Variants in RPS6KB1 observed in about 807,000 individuals in gnomAD.
RPS6KB1 encodes the protein ribosomal protein S6 kinase beta-1.
Under a neutral mutation model 70.2 loss-of-function variants are expected in RPS6KB1, and 12 were observed. The ratio of observed to expected loss-of-function variants is 0.17; its 90% CI spans 0.11 to 0.28. The LOEUF (loss-of-function observed/expected upper bound fraction) is 0.28. RPS6KB1 is among the 10% of genes least tolerant of loss of function. RPS6KB1 has a pLI of 1.00. For synonymous variants in RPS6KB1, 175 were observed against 211.2 expected, an observed-to-expected ratio of 0.83 and a Z score of 1.49; for missense variants, 270 against 646.6, an observed-to-expected ratio of 0.42 and a Z score of 6.32.
chr17:59,905,951 C>T (rs2042241329), intron 1 of RPS6KB1, among the ~76,000 whole-genome samples: 1 of 152,100 alleles, frequency 6.6e-6, no homozygotes, highest in Admixed American at 6.6e-5. Context: ...ACACCACACT[C>T]AGCTCGAGTT....
At chr17:59,909,226 C>CTTTTTTTTTT (rs1165144356) in intron 1 of RPS6KB1, among the ~76,000 whole-genome samples, 1 of 78,068 alleles carries the variant, frequency 1.3e-5, no homozygotes, top group South Asian at 5.2e-4. Flanking sequence ...CCGCACGTGG[C>CTTTTTTTTTT]TTTTTTTTTT....
At chr17:59,924,121 C>CAGG (rs2043446390) in intron 4 of RPS6KB1, among the ~76,000 whole-genome samples, 2 of 151,996 alleles carry the variant, frequency 1.3e-5, no homozygotes, top group South Asian at 2.1e-4. Context: ...ATCATGAGCT[C>CAGG]AGTTCGAAAC....
chr17:59,941,181 T>TC (rs2044556545), intron 13 of RPS6KB1, among the ~76,000 whole-genome samples: 2 of 151,942 alleles, frequency 1.3e-5, no homozygotes, highest in African/African-American at 4.8e-5. Context: ...AAAGTATGAT[T>TC]CCCTTTTTTT....
intron 7 of RPS6KB1, among the ~76,000 whole-genome samples, chr17:59,933,777 C>T (rs1227791144): frequency 6.6e-6 from 1 of 152,202 alleles, no homozygotes; most frequent in Non-Finnish European, 1.5e-5. Context: ...CTGTCTCACA[C>T]CTTTGTTCAA....
At chr17:59,919,920 G>A (rs940143054) in intron 4 of RPS6KB1, among the ~76,000 whole-genome samples, 1 of 151,998 alleles carries the variant, frequency 6.6e-6, no homozygotes, top group East Asian at 1.9e-4. Flanking sequence ...ATTCCCCTTT[G>A]CAGGCACTTA....
At chr17:59,895,620 C>A (rs903294518) in intron 1 of RPS6KB1, among the ~76,000 whole-genome samples, 1 of 151,138 alleles carries the variant, frequency 6.6e-6, no homozygotes, top group African/African-American at 2.4e-5. Context: ...CCCCACCAGG[C>A]TTTTTACTTT....
At chr17:59,922,197 C>T (rs140260862) in intron 4 of RPS6KB1, among the ~76,000 whole-genome samples, 45 of 152,130 alleles carry the variant, frequency 3.0e-4, no homozygotes, top group Non-Finnish European at 4.7e-4. Flanking sequence ...CCTCCTACCA[C>T]GCCTGCCTAA....
At chr17:59,931,312 A>T (rs1458943703) in intron 6 of RPS6KB1, 1 of 249,598 alleles carries the variant, frequency 4.0e-6, no homozygotes, top group Non-Finnish European at 7.7e-6. Context: ...CTATTAGCTT[A>T]ATTCCTACAC....
chr17:59,920,971 T>TA (rs1272944185), intron 4 of RPS6KB1, among the ~76,000 whole-genome samples: 2 of 152,228 alleles, frequency 1.3e-5, no homozygotes, highest in East Asian at 3.8e-4. Flanking sequence ...GTGCTGGAAT[T>TA]ATGGGCGTGA....
chr17:59,949,415 A>C lies in RPS6KB1; in HGVS notation c.*2627A>C, dbSNP rs905100517. The C allele has an allele frequency of 1.3e-5, 2 of 152,622 alleles. No individual in the cohort carries two copies. Among genetic ancestry groups the C allele is most frequent in the African/African-American group, 4.8e-5 (2 of 41,462 alleles). The allele number at this position is 152,622 out of a possible 1,614,324, so 9.5% of individuals were successfully genotyped here. A position where few individuals can be genotyped will look rare whatever the true frequency, so the allele number is the denominator to read the frequency against. ...TATGTTATACCAGGTAAGTGTATAAAAGAGATTAAGTGCTTTTTTTTCATC... is the reference window on the plus strand; with the variant it reads ...TATGTTATACCAGGTAAGTGTATAACAGAGATTAAGTGCTTTTTTTTCATC... On this transcript the variant is annotated 3_prime_UTR_variant, in exon 15 of 15. Transcript: ENST00000225577.
At chr17:59,909,526 A>C (rs2144764688) in intron 1 of RPS6KB1, among the ~76,000 whole-genome samples, 2 of 150,162 alleles carry the variant, frequency 1.3e-5, no homozygotes, top group Admixed American at 1.3e-4. Flanking sequence ...TCGGCCTCCC[A>C]AAGTGCTGGG....
rs1394860038 is a variant in RPS6KB1, at chr17:59,949,962, A to T, written c.*3174A>T. ...AAGATTATTCCCATGAGAAATGTTGAATTTATGAAGAATAGATTTTAAGGC... is the reference window on the plus strand; with the variant it reads ...AAGATTATTCCCATGAGAAATGTTGTATTTATGAAGAATAGATTTTAAGGC... On this transcript the variant is annotated 3_prime_UTR_variant, in exon 15 of 15. Transcript: ENST00000225577. 6.6e-6 allele frequency: 1 copy of T among 152,488 alleles called. No homozygotes were observed. The allele number at this position is 152,488 out of a possible 1,614,324, so 9.4% of individuals were successfully genotyped here.
At chr17:59,915,691 C>T (rs781279834) in intron 4 of RPS6KB1, among the ~76,000 whole-genome samples, 14 of 150,500 alleles carry the variant, frequency 9.3e-5, no homozygotes, top group Admixed American at 3.3e-4. Flanking sequence ...GTCTCGAACT[C>T]CTGACCTCAG....
rs2044227384 is a variant in RPS6KB1 at position 59,936,196 on chromosome 17, CT to C, written c.979-12del. ...GTTTGACTAAGGTTCTTTATCCAAGCTTTTTTTCCTCTTTAAAGCTGCTGAA... is the reference window on the plus strand; with the variant it reads ...GTTTGACTAAGGTTCTTTATCCAAGCTTTTTTCCTCTTTAAAGCTGCTGAA... On this transcript the variant is annotated intron_variant, in intron 10 of 14. Transcript: ENST00000225577. The C allele has an allele frequency of 2.5e-6, 4 of 1,588,214 alleles. No individual in the cohort carries two copies. Among genetic ancestry groups the C allele is most frequent in the African/African-American group, 2.7e-5 (2 of 73,076 alleles).
At chr17:59,908,913 C>T (rs12603480) in intron 1 of RPS6KB1, among the ~76,000 whole-genome samples, 23,531 of 133,214 alleles carry the variant, frequency 0.18, 2,366 homozygotes, top group East Asian at 0.37. Flanking sequence ...CCACCGCGCC[C>T]GGCCAAATTT....
Position 59,949,277 on chromosome 17 carries a change from CAGAA to C in RPS6KB1, c.*2492_*2495del, listed in dbSNP as rs748620575. 11 of 152,696 alleles carry C rather than the reference CAGAA, an allele frequency of 7.2e-5. No individual in the cohort carries two copies. The highest frequency in any genetic ancestry group is 1.9e-4 in the East Asian group (1 of 5,192). 9.5% of individuals were successfully genotyped at this position (152,696 alleles called of 1,614,324 possible). ...TCAAGTGTCACATTAGTGTCACAGA[CAGAA>C]AGCACACACCTATGCAATATGGCTT... On this transcript the variant is annotated 3_prime_UTR_variant, in exon 15 of 15. Coordinates refer to ENST00000225577, the MANE Select transcript of RPS6KB1 (RefSeq NM_003161.4).
At chr17:59,917,529 C>G (rs1366202839) in intron 4 of RPS6KB1, among the ~76,000 whole-genome samples, 1 of 152,070 alleles carries the variant, frequency 6.6e-6, no homozygotes, top group Admixed American at 6.6e-5. Context: ...CCTGTAACTC[C>G]TGGGCTCAAG....
intron 12 of RPS6KB1, 116 bp downstream of exon 12, chr17:59,936,657 G>A (rs533742958): frequency 6.1e-6 from 5 of 817,934 alleles, no homozygotes; most frequent in South Asian, 3.0e-5. Context: ...ACCAGCATGG[G>A]CAACATAACA....
Position 59,893,301 on chromosome 17 carries a change from C to T in RPS6KB1, c.117C>T (p.Gly39=), listed in dbSNP as rs369943341. ...ACCTGGACCAGCCAGAGGACGCGGG[C>T]TCTGAGGATGAGCTGGAGGAGGGGG... ...DIDLDQPEDA[G]SEDELEEGGQ... is the part of the protein sequence containing the mutation. The change falls in exon 1 of 15, where the codon GGC becomes GGT. Residue 39 remains glycine (G), a synonymous_variant. Coordinates refer to ENST00000225577, the MANE Select transcript of RPS6KB1 (RefSeq NM_003161.4). This position sits in a 1 kb window ranked among gnomAD's most constrained non-coding sequence, Gnocchi z 4.1. 1.2e-6 allele frequency: 2 copies of T among 1,610,788 alleles called. No individual in the cohort carries two copies. Among genetic ancestry groups the T allele is most frequent in the African/African-American group, 1.3e-5 (1 of 74,866 alleles).
Sources: allele counts gnomAD v4.1 joint callset (sites outside exome capture counted in the v4.1 genomes callset), GRCh38; gene constraint gnomAD v4.1.1; non-coding constraint Gnocchi (gnomAD v3.1); transcripts MANE v1.5; gene names NCBI Gene and HGNC (gene_info 2026-07-23, HGNC 2026-07-21).